The following MAGI2 variants were observed in gnomAD, a reference collection of about 807,000 sequenced individuals.
The protein encoded by MAGI2 is membrane associated guanylate kinase, WW and PDZ domain containing 2.
Under a neutral mutation model 133.3 loss-of-function variants are expected in MAGI2, and 35 were observed. The observed-to-expected ratio is 0.26, with a 90% CI of 0.20 to 0.35. The LOEUF is 0.35. Ranked by LOEUF, MAGI2 falls within the 10% of genes least tolerant of loss-of-function variation. The pLI is 1.00. For synonymous variants in MAGI2, 729 were observed against 710.6 expected (o/e 1.03, Z -0.41); for missense variants, 1,636 against 1,863.4 (o/e 0.88, Z 2.25).
intron 2 of MAGI2, among the ~76,000 whole-genome samples, chr7:78,670,285 A>G (rs1352854870): frequency 6.6e-6 from 1 of 152,160 alleles, no homozygotes; most frequent in Non-Finnish European, 1.5e-5. Flanking sequence ...ATAACAGACA[A>G]ACAGAGAGCA....
intron 9 of MAGI2, among the ~76,000 whole-genome samples, chr7:78,307,638 T>A (rs1249413648): frequency 1.3e-5 from 2 of 152,098 alleles, no homozygotes; most frequent in African/African-American, 4.8e-5. Context: ...TAGGCAGCAA[T>A]AATTAGAGAG....
At chr7:79,365,507 CT>C (rs1457864653) in intron 1 of MAGI2, among the ~76,000 whole-genome samples, 1 of 152,066 alleles carries the variant, frequency 6.6e-6, no homozygotes, top group Non-Finnish European at 1.5e-5. Flanking sequence ...GTTAAACAAA[CT>C]GACATATACA....
At chr7:78,786,139 GA>G (rs111883361) in intron 2 of MAGI2, among the ~76,000 whole-genome samples, 4 of 145,326 alleles carry the variant, frequency 2.8e-5, no homozygotes, top group East Asian at 4.0e-4. Context: ...CTAGTGCTCA[GA>G]AAAAAAAAAC....
At chr7:79,254,974 A>C (rs192246611) in intron 1 of MAGI2, among the ~76,000 whole-genome samples, 20 of 152,264 alleles carry the variant, frequency 1.3e-4, no homozygotes, top group Admixed American at 1.3e-3. Flanking sequence ...GTATTCTAGT[A>C]CTCATTCTTC....
chr7:78,761,369 A>C (rs1824487272), intron 2 of MAGI2, among the ~76,000 whole-genome samples: 1 of 152,168 alleles, frequency 6.6e-6, no homozygotes, highest in African/African-American at 2.4e-5. Flanking sequence ...TACAAAATTG[A>C]CCATAACTTC....
At chr7:78,461,916 C>CAAAAAAAAAAAAAAAAA (rs55811983) in intron 6 of MAGI2, among the ~76,000 whole-genome samples, 11 of 30,532 alleles carry the variant, frequency 3.6e-4, no homozygotes, top group Non-Finnish European at 5.8e-4. Flanking sequence ...AATTCCGTCT[C>CAAAAAAAAAAAAAAAAA]AAAAAAAAAA....
chr7:78,772,739 G>C (rs1301862871), intron 2 of MAGI2, among the ~76,000 whole-genome samples: 1 of 152,066 alleles, frequency 6.6e-6, no homozygotes, highest in East Asian at 1.9e-4. Flanking sequence ...ATGCTAACTG[G>C]CTGCAAATTT....
At chr7:78,652,890 C>G (rs1340915346) in intron 2 of MAGI2, among the ~76,000 whole-genome samples, 2 of 151,266 alleles carry the variant, frequency 1.3e-5, no homozygotes, top group Non-Finnish European at 2.9e-5. Flanking sequence ...AACCATCTGA[C>G]AAAGGGCTAA....
intron 2 of MAGI2, chr7:78,771,298 A>AG (rs1825568661): frequency 6.6e-6 from 1 of 152,120 alleles, no homozygotes; most frequent in Non-Finnish European, 1.5e-5. Flanking sequence ...AACCTGTGTT[A>AG]TCTACGCGCC....
At chr7:78,721,718 G>C (rs1480355431) in intron 2 of MAGI2, among the ~76,000 whole-genome samples, 1 of 151,900 alleles carries the variant, frequency 6.6e-6, no homozygotes, top group East Asian at 1.9e-4. Context: ...TTATATCAAG[G>C]CTGAAGGGTA....
At chr7:78,070,452 A>G (rs13308032) in intron 21 of MAGI2, among the ~76,000 whole-genome samples, 40,994 of 146,580 alleles carry the variant, frequency 0.28, 6,282 homozygotes, top group East Asian at 0.49. Context: ...GTGTATATAT[A>G]TGTGTGTGTA....
intron 1 of MAGI2, among the ~76,000 whole-genome samples, chr7:79,416,404 G>GA (rs1846517264): frequency 6.6e-6 from 1 of 151,752 alleles, no homozygotes; most frequent in Admixed American, 6.6e-5. Context: ...GGGAAGAAAG[G>GA]AAAAAACATT....
intron 5 of MAGI2, among the ~76,000 whole-genome samples, chr7:78,498,459 A>T (rs886698647): frequency 2.6e-5 from 4 of 152,224 alleles, no homozygotes; most frequent in African/African-American, 9.6e-5. Context: ...ATCAATGACA[A>T]TGGGTGGGAA....
At chr7:79,059,034 T>C (rs1813456307) in intron 1 of MAGI2, among the ~76,000 whole-genome samples, 1 of 152,114 alleles carries the variant, frequency 6.6e-6, no homozygotes, top group East Asian at 1.9e-4. Context: ...TAAAGATATT[T>C]TTAAGCAATA....
chr7:78,828,132 G>A (rs565559294), intron 2 of MAGI2, among the ~76,000 whole-genome samples: 1 of 152,236 alleles, frequency 6.6e-6, no homozygotes, highest in South Asian at 2.1e-4. Context: ...TGATCCACCC[G>A]CCTTGGCCTC....
chr7:78,596,039 A>G (rs989832038), intron 3 of MAGI2, among the ~76,000 whole-genome samples: 2 of 152,130 alleles, frequency 1.3e-5, no homozygotes, highest in Non-Finnish European at 2.9e-5. Context: ...TCATAAGAAC[A>G]GAATCTTTGT....
intron 1 of MAGI2, among the ~76,000 whole-genome samples, chr7:79,086,764 G>A (rs1215761727): frequency 6.6e-6 from 1 of 151,732 alleles, no homozygotes; most frequent in Non-Finnish European, 1.5e-5. Flanking sequence ...TCTTTAAAAT[G>A]TAGGTAATTA....
chr7:78,799,148 G>A (rs187308057), intron 2 of MAGI2, among the ~76,000 whole-genome samples: 81 of 152,198 alleles, frequency 5.3e-4, no homozygotes, highest in African/African-American at 1.7e-3. Flanking sequence ...TCTTGCTAAC[G>A]ATTTGCTGAA....
chr7:78,341,906 A>T (rs1790419284), intron 9 of MAGI2, among the ~76,000 whole-genome samples: 2 of 152,218 alleles, frequency 1.3e-5, no homozygotes, highest in South Asian at 2.1e-4. Flanking sequence ...ATGGGCAAAG[A>T]CTTCATGACT....
Sources: gnomAD v4.1 joint callset for allele counts (sites outside exome capture counted in the v4.1 genomes callset) on GRCh38, gnomAD v4.1.1 for gene constraint, MANE v1.5 for transcripts, NCBI Gene and HGNC (gene_info 2026-07-23, HGNC 2026-07-21) for gene names.